The following CEP112 variants were observed in gnomAD, a reference collection of about 807,000 sequenced individuals.
CEP112 encodes centrosomal protein 112.
Under a neutral mutation model 153.0 loss-of-function variants are expected in CEP112, and 127 were observed. The observed-to-expected ratio is 0.83, with a 90% CI of 0.72 to 0.96. CEP112 has a LOEUF of 0.96. Ranked by LOEUF, CEP112 falls within the 40% of genes least tolerant of loss-of-function variation. The pLI, the probability that CEP112 is intolerant of heterozygous loss-of-function variation, is 0.00. For missense variants in CEP112, 1,089 were observed against 1,101.2 expected (o/e 0.99, Z 0.16); for synonymous variants, 358 against 374.4 (o/e 0.96, Z 0.51).
chr17:65,742,901 C>T (rs192218734), intron 23 of CEP112, among the ~76,000 whole-genome samples, 167 bp downstream of exon 23: 2 of 152,264 alleles, frequency 1.3e-5, no homozygotes, highest in African/African-American at 4.8e-5. Context: ...GGGAAGTCAG[C>T]CTGAGTCACT....
intron 12 of CEP112, among the ~76,000 whole-genome samples, chr17:66,038,344 T>C (rs1243791687): frequency 6.6e-6 from 1 of 152,180 alleles, no homozygotes; most frequent in Admixed American, 6.5e-5. Flanking sequence ...TGACGTCACT[T>C]ATTCATTTTA....
At chr17:65,859,381 A>C (rs1445075377) in intron 20 of CEP112, among the ~76,000 whole-genome samples, 1 of 149,534 alleles carries the variant, frequency 6.7e-6, no homozygotes, top group Non-Finnish European at 1.5e-5. Context: ...CGGAGGTTGT[A>C]GTGAGCTGAG....
At chr17:65,732,691 TTA>T (rs1371187045) in intron 23 of CEP112, among the ~76,000 whole-genome samples, 1 of 152,260 alleles carries the variant, frequency 6.6e-6, no homozygotes, top group Non-Finnish European at 1.5e-5. Context: ...CCTTGCATTT[TTA>T]TGTTATGGAG....
chr17:65,896,357 A>G (rs879823646), intron 20 of CEP112, among the ~76,000 whole-genome samples: 5 of 152,048 alleles, frequency 3.3e-5, no homozygotes, highest in Non-Finnish European at 5.9e-5. Flanking sequence ...AATCACAGGT[A>G]TATATACACT....
intron 20 of CEP112, among the ~76,000 whole-genome samples, chr17:65,878,531 C>A (rs549502806): frequency 1.9e-4 from 29 of 152,170 alleles, no homozygotes; most frequent in African/African-American, 6.5e-4. Flanking sequence ...TTGGGGGACA[C>A]TCATCAGTTA....
chr17:65,937,542 C>T (rs2061365025), intron 18 of CEP112, among the ~76,000 whole-genome samples: 1 of 119,022 alleles, frequency 8.4e-6, no homozygotes, highest in African/African-American at 3.1e-5. Context: ...TCTGCCCGGC[C>T]AGCCGCCCCG....
At chr17:65,791,041 G>C (rs1046047739) in intron 21 of CEP112, among the ~76,000 whole-genome samples, 4 of 151,466 alleles carry the variant, frequency 2.6e-5, no homozygotes, top group South Asian at 2.1e-4. Context: ...ATTTGGAATG[G>C]GGGGGAGGCT....
chr17:65,775,702 C>T (rs575580627), intron 21 of CEP112, among the ~76,000 whole-genome samples: 7 of 152,142 alleles, frequency 4.6e-5, no homozygotes, highest in African/African-American at 1.7e-4. Context: ...GGCATTTCAC[C>T]ATGTTGACTA....
intron 17 of CEP112, among the ~76,000 whole-genome samples, chr17:65,971,519 ATGTG>A (rs1372022013): frequency 1.3e-5 from 2 of 149,530 alleles, no homozygotes; most frequent in African/African-American, 2.5e-5. Flanking sequence ...TGCACATTAC[ATGTG>A]TATCACCTAA....
At chr17:65,978,713 T>C (rs2063122679) in intron 17 of CEP112, among the ~76,000 whole-genome samples, 2 of 152,224 alleles carry the variant, frequency 1.3e-5, no homozygotes, top group South Asian at 4.1e-4. Context: ...AGAAGCTAAA[T>C]ATATAAACTG....
chr17:65,724,890 C>A (rs1434842937), intron 23 of CEP112, among the ~76,000 whole-genome samples: 1 of 152,102 alleles, frequency 6.6e-6, no homozygotes, highest in African/African-American at 2.4e-5. Context: ...CCTGCTGCCC[C>A]CAAGGCTGCC....
At position 66,132,728 on chromosome 17, in the gene CEP112, G is replaced by A. The variant is rs1229593617; in HGVS notation, c.506C>T (p.Ser169Leu). ...EQYTGKLRVRSHSLSPTHRED... is the reference protein window; with the variant it reads ...EQYTGKLRVRLHSLSPTHRED... ...TCTGTGAGTTGGACTCAAGGAGTGT[G>A]ATCTCACTCGGAGCTTCCCAGTGTA... Residue 169 changes from serine (S) to leucine (L), a missense_variant, in exon 5 of 27, where the codon TCA becomes TTA. Coordinates refer to ENST00000535342, the MANE Select transcript of CEP112 (RefSeq NM_001199165.4). The A allele has an allele frequency of 2.5e-6, 4 of 1,613,814 alleles. No individual in the cohort carries two copies. In the South Asian group the frequency reaches 3.3e-5, roughly 13 times the overall value.
intron 17 of CEP112, among the ~76,000 whole-genome samples, chr17:65,996,066 T>C (rs1467903953): frequency 6.6e-6 from 1 of 151,954 alleles, no homozygotes; most frequent in African/African-American, 2.4e-5. Flanking sequence ...CTAATACAAT[T>C]CCTAAATATT....
chr17:65,654,787 T>C (rs2045972600), intron 24 of CEP112: 1 of 376,266 alleles, frequency 2.7e-6, no homozygotes, highest in East Asian at 6.5e-5. Flanking sequence ...AGAAAATGGA[T>C]AACATAGTCA....
chr17:65,997,645 G>A (rs900835875), intron 17 of CEP112, among the ~76,000 whole-genome samples: 6 of 152,056 alleles, frequency 3.9e-5, no homozygotes, highest in Non-Finnish European at 8.8e-5. Context: ...TACTATTAAT[G>A]TTTTATTATA....
chr17:66,081,758 T>C (rs922568682), intron 8 of CEP112, among the ~76,000 whole-genome samples: 2 of 151,840 alleles, frequency 1.3e-5, no homozygotes, highest in African/African-American at 4.8e-5. Context: ...CTACTAAAAA[T>C]ACAAAAATTA....
intron 24 of CEP112, among the ~76,000 whole-genome samples, chr17:65,647,834 A>T (rs1228943551): frequency 6.6e-6 from 1 of 151,864 alleles, no homozygotes; most frequent in East Asian, 1.9e-4. Context: ...GTTTAAGGGG[A>T]AACAATGAGA....
At chr17:65,660,047 G>C (rs2046264982) in intron 24 of CEP112, among the ~76,000 whole-genome samples, 1 of 152,184 alleles carries the variant, frequency 6.6e-6, no homozygotes. Flanking sequence ...GTGGGCAGGG[G>C]ATAAGTGAGA....
At chr17:65,981,419 TG>T (rs2063221666) in intron 17 of CEP112, among the ~76,000 whole-genome samples, 1 of 152,236 alleles carries the variant, frequency 6.6e-6, no homozygotes, top group African/African-American at 2.4e-5. Flanking sequence ...GTCACCAACA[TG>T]GAAGATGTTT....
Sources: allele counts gnomAD v4.1 joint callset (sites outside exome capture counted in the v4.1 genomes callset), GRCh38; gene constraint gnomAD v4.1.1; transcripts MANE v1.5; gene names NCBI Gene and HGNC (gene_info 2026-07-23, HGNC 2026-07-21).